DOCK3: variants seen among roughly 807,000 people sequenced by gnomAD.
DOCK3 encodes the protein dedicator of cytokinesis 3, also known as dedicator of cytokinesis protein 3.
Under a neutral mutation model 265.6 loss-of-function variants are expected in DOCK3, and 60 were observed. That is an observed-to-expected ratio of 0.23 (90% confidence interval 0.18 to 0.28). The LOEUF (loss-of-function observed/expected upper bound fraction) is 0.28. Among genes scored for constraint, DOCK3 ranks in the 10% least tolerant of loss-of-function variants. The pLI is 1.00. For synonymous variants in DOCK3, 881 were observed against 938.0 expected (o/e 0.94, Z 1.11); for missense variants, 1,981 against 2,594.3 (o/e 0.76, Z 5.14).
chr3:50,730,684 A>T (rs1277540899), intron 1 of DOCK3, among the ~76,000 whole-genome samples: 1 of 152,036 alleles, frequency 6.6e-6, no homozygotes, highest in Non-Finnish European at 1.5e-5. Context: ...TTAAAAAATT[A>T]GCCAGGTGCT....
intron 27 of DOCK3, among the ~76,000 whole-genome samples, chr3:51,291,198 A>G (rs1165559307): frequency 6.6e-6 from 1 of 152,184 alleles, no homozygotes. Context: ...TACATCAAAT[A>G]AGAAGCAAGA....
chr3:51,370,550 C>T (rs774275594), intron 49 of DOCK3, among the ~76,000 whole-genome samples: 16 of 152,196 alleles, frequency 1.1e-4, no homozygotes, highest in South Asian at 2.1e-4. Flanking sequence ...TCCTTCCAGC[C>T]GTTGACTGAT....
At chr3:51,200,326 G>C (rs1030849767) in intron 12 of DOCK3, among the ~76,000 whole-genome samples, 7 of 151,648 alleles carry the variant, frequency 4.6e-5, no homozygotes, top group African/African-American at 1.7e-4. Context: ...CCAATACAGA[G>C]AAGTGCTTAA....
intron 5 of DOCK3, among the ~76,000 whole-genome samples, chr3:51,035,126 A>G (rs1289140625): frequency 6.6e-6 from 1 of 152,080 alleles, no homozygotes. Flanking sequence ...GAATTTCTAA[A>G]TTTACACCCT....
chr3:50,979,009 T>G (rs1190972094), intron 5 of DOCK3, among the ~76,000 whole-genome samples: 1 of 152,170 alleles, frequency 6.6e-6, no homozygotes, highest in Non-Finnish European at 1.5e-5. Context: ...TCGGCTCGCG[T>G]ACGGTGCGCA....
At chr3:51,358,715 A>T (rs1399326899) in intron 46 of DOCK3, among the ~76,000 whole-genome samples, 1 of 152,204 alleles carries the variant, frequency 6.6e-6, no homozygotes, top group Non-Finnish European at 1.5e-5. Context: ...CTGGGGCTGG[A>T]CCAGGCTCCT....
At chr3:51,293,051 T>C (rs1464966280) in intron 27 of DOCK3, among the ~76,000 whole-genome samples, 1 of 152,164 alleles carries the variant, frequency 6.6e-6, no homozygotes, top group Non-Finnish European at 1.5e-5. Flanking sequence ...TTATAATCCC[T>C]AAAGCAATCT....
rs3219842 is a variant in DOCK3, at chr3:51,067,427, T to G, written c.464+2831T>G. On this transcript the variant is annotated intron_variant, in intron 6 of 52. Transcript: ENST00000266037. Reference sequence around the variant, plus strand: ...ATGACTTTTTCTCAATGAAATATGTTTGTGTGTGTGTGTGTGTGTGTGTGT... The same window carrying G: ...ATGACTTTTTCTCAATGAAATATGTGTGTGTGTGTGTGTGTGTGTGTGTGT... Among the ~76,000 whole-genome samples the G allele has an allele frequency of 1.3e-3, 193 of 144,200 alleles. 1 individual carries two copies. The highest frequency in any genetic ancestry group is 4.7e-3 in the African/African-American group (178 of 38,086). 94.6% of individuals were successfully genotyped at this position (144,200 alleles called of 152,430 possible).
At chr3:50,757,374 G>T (rs1476095036) in intron 1 of DOCK3, among the ~76,000 whole-genome samples, 1 of 151,010 alleles carries the variant, frequency 6.6e-6, no homozygotes, top group Non-Finnish European at 1.5e-5. Flanking sequence ...ATTTCACCAT[G>T]TTGGCCCGGC....
intron 3 of DOCK3, among the ~76,000 whole-genome samples, chr3:50,858,233 A>C (rs959875291): frequency 1.3e-5 from 2 of 151,958 alleles, no homozygotes; most frequent in Admixed American, 1.3e-4. Context: ...AACAATGAGA[A>C]CACTTGGACA....
At chr3:51,082,037 A>T (rs1490903891) in intron 7 of DOCK3, among the ~76,000 whole-genome samples, 1 of 152,042 alleles carries the variant, frequency 6.6e-6, no homozygotes, top group African/African-American at 2.4e-5. Flanking sequence ...AGAATACTGG[A>T]GTTCATCAGG....
intron 5 of DOCK3, among the ~76,000 whole-genome samples, chr3:50,993,267 T>TG (rs2078173024): frequency 6.6e-6 from 1 of 152,188 alleles, no homozygotes; most frequent in Non-Finnish European, 1.5e-5. Context: ...CAATTGCACT[T>TG]GGGGAAAAAG....
intron 27 of DOCK3, among the ~76,000 whole-genome samples, chr3:51,292,699 A>G (rs541698617): frequency 1.3e-5 from 2 of 152,248 alleles, no homozygotes; most frequent in East Asian, 3.9e-4. Context: ...TTTTCTTGAG[A>G]CAGGGCCTCC....
intron 1 of DOCK3, among the ~76,000 whole-genome samples, chr3:50,717,638 A>T (rs1379396117): frequency 6.6e-6 from 1 of 151,922 alleles, no homozygotes; most frequent in Non-Finnish European, 1.5e-5. Context: ...CTTTTTTTAA[A>T]TTGAGACGGA....
intron 5 of DOCK3, among the ~76,000 whole-genome samples, chr3:50,955,477 A>C (rs942669756): frequency 6.6e-6 from 1 of 152,216 alleles, no homozygotes; most frequent in Non-Finnish European, 1.5e-5. Flanking sequence ...AATGTGGTAC[A>C]TATACACCAT....
At chr3:51,146,088 C>T (rs2085287310) in intron 9 of DOCK3, among the ~76,000 whole-genome samples, 1 of 152,160 alleles carries the variant, frequency 6.6e-6, no homozygotes, top group Admixed American at 6.5e-5. Flanking sequence ...GTCTGCAGCC[C>T]AGGGTTGGGG....
rs2088760657 is a variant in DOCK3, at chr3:51,383,043, C to T, written c.*1484C>T. The T allele has an allele frequency of 1.3e-5, 2 of 152,204 alleles. No homozygotes were observed. The highest frequency in any genetic ancestry group is 2.1e-4 in the South Asian group (1 of 4,830). The allele number at this position is 152,204 out of a possible 1,614,324, so 9.4% of individuals were successfully genotyped here. On this transcript the variant is annotated 3_prime_UTR_variant, in exon 53 of 53. Transcript: ENST00000266037. ...GCCTTGTTGGGCAGGCGTATTGCCC[C>T]CAGTTCCTCTTCTGCTGGCCTGTAT...
intron 12 of DOCK3, among the ~76,000 whole-genome samples, chr3:51,194,662 C>T (rs370368986): frequency 1.8e-4 from 28 of 152,016 alleles, no homozygotes; most frequent in East Asian, 5.8e-4. Context: ...TAATGACCTT[C>T]TTTGTTTCTT....
intron 1 of DOCK3, among the ~76,000 whole-genome samples, chr3:50,695,625 C>T (rs543582079): frequency 5.3e-5 from 8 of 152,266 alleles, no homozygotes; most frequent in Admixed American, 1.3e-4. Context: ...ACTCAAAGAG[C>T]GCTAAGCACA....
Sources: allele counts gnomAD v4.1 joint callset (sites outside exome capture counted in the v4.1 genomes callset), GRCh38; gene constraint gnomAD v4.1.1; transcripts MANE v1.5; gene names NCBI Gene and HGNC (gene_info 2026-07-23, HGNC 2026-07-21).